Variants in ARK2C observed in about 807,000 individuals in gnomAD.
The protein encoded by ARK2C is arkadia (RNF111) C-terminal like ring finger ubiquitin ligase 2C, also known as E3 ubiquitin-protein ligase ARK2C.
At chr18:46,450,065 C>T in the ARK2C span, among the ~76,000 whole-genome samples, 1 of 152,188 alleles carries the variant, frequency 6.6e-6, no homozygotes, top group African/African-American at 2.4e-5. Flanking sequence ...AGAACAGTGC[C>T]TGCCATGAAG....
At chr18:46,376,036 T>C in the ARK2C span, among the ~76,000 whole-genome samples, 1 of 152,200 alleles carries the variant, frequency 6.6e-6, no homozygotes, top group African/African-American at 2.4e-5. Flanking sequence ...GCAGTGAGTG[T>C]GCACAGCTCA....
At chr18:46,425,822 G>A in the ARK2C span, among the ~76,000 whole-genome samples, 1 of 152,166 alleles carries the variant, frequency 6.6e-6, no homozygotes. Context: ...TGCTCTAACA[G>A]AAGGCCATAG....
the ARK2C span, among the ~76,000 whole-genome samples, chr18:46,340,552 G>A: frequency 3.9e-5 from 6 of 152,226 alleles, no homozygotes; most frequent in Non-Finnish European, 8.8e-5. Context: ...TGTCTAAGAT[G>A]TTCTGGGCCA....
the ARK2C span, among the ~76,000 whole-genome samples, chr18:46,432,657 A>C: frequency 6.6e-6 from 1 of 152,258 alleles, no homozygotes; most frequent in Non-Finnish European, 1.5e-5. Context: ...TTATGTATTC[A>C]TTAAAGATAC....
the ARK2C span, among the ~76,000 whole-genome samples, chr18:46,362,863 T>G: frequency 6.6e-6 from 1 of 152,224 alleles, no homozygotes. Context: ...CACTCAGTCC[T>G]TCCACTTTCA....
the ARK2C span, among the ~76,000 whole-genome samples, chr18:46,410,763 C>G: frequency 1.3e-5 from 2 of 152,234 alleles, no homozygotes; most frequent in Admixed American, 6.5e-5. Flanking sequence ...TCCTCTTGTT[C>G]TCATTGGTTT....
At chr18:46,446,933 G>T in the ARK2C span, among the ~76,000 whole-genome samples, 2 of 152,014 alleles carry the variant, frequency 1.3e-5, no homozygotes, top group Admixed American at 6.6e-5. Flanking sequence ...TAGTTCTCTT[G>T]TTTCTAGTTA....
the ARK2C span, among the ~76,000 whole-genome samples, chr18:46,417,462 G>A: frequency 7.2e-5 from 11 of 152,216 alleles, no homozygotes; most frequent in African/African-American, 1.2e-4. Context: ...GGGCCTTTGC[G>A]TGTGCAGTTC....
chr18:46,384,374 C>T, the ARK2C span, among the ~76,000 whole-genome samples: 4 of 152,302 alleles, frequency 2.6e-5, no homozygotes, highest in African/African-American at 7.2e-5. Flanking sequence ...ATTCTTGATA[C>T]TTCTTCCTTC....
At chr18:46,380,665 G>GGGAGCAC in the ARK2C span, among the ~76,000 whole-genome samples, 4 of 152,164 alleles carry the variant, frequency 2.6e-5, no homozygotes, top group African/African-American at 9.7e-5. Flanking sequence ...GCAGGGAGCA[G>GGGAGCAC]GGACTTCTGA....
the ARK2C span, among the ~76,000 whole-genome samples, chr18:46,365,486 T>C: frequency 1.3e-5 from 2 of 152,164 alleles, no homozygotes; most frequent in South Asian, 2.1e-4. Context: ...CTTTCTCATT[T>C]TGTGATCTTG....
chr18:46,417,984 A>T, the ARK2C span, among the ~76,000 whole-genome samples: 1 of 151,310 alleles, frequency 6.6e-6, no homozygotes, highest in Non-Finnish European at 1.5e-5. Flanking sequence ...AGCCTGAGCA[A>T]CAGAGCAAGA....
chr18:46,409,206 C>G, the ARK2C span, among the ~76,000 whole-genome samples: 1 of 152,202 alleles, frequency 6.6e-6, no homozygotes, highest in Non-Finnish European at 1.5e-5. Flanking sequence ...AAAGGATAGT[C>G]TGCAAGTTTA....
At chr18:46,403,391 C>CT in the ARK2C span, among the ~76,000 whole-genome samples, 2 of 152,122 alleles carry the variant, frequency 1.3e-5, no homozygotes, top group Non-Finnish European at 2.9e-5. Flanking sequence ...CCCTCCCTGC[C>CT]CCCCGTCTCC....
At chr18:46,416,611 C>A in the ARK2C span, among the ~76,000 whole-genome samples, 3,989 of 152,312 alleles carry the variant, frequency 0.026, 129 homozygotes, top group African/African-American at 0.082. Flanking sequence ...AAACAACAAC[C>A]TTTTATGCAG....
the ARK2C span, among the ~76,000 whole-genome samples, chr18:46,453,486 A>G: frequency 6.6e-6 from 1 of 152,186 alleles, no homozygotes; most frequent in Non-Finnish European, 1.5e-5. Flanking sequence ...TCAAGTAGAT[A>G]AAGGGCTCGG....
At chr18:46,454,110 CAAAAA>C in the ARK2C span, among the ~76,000 whole-genome samples, 10 of 16,632 alleles carry the variant, frequency 6.0e-4, no homozygotes, top group Admixed American at 5.2e-3. Context: ...AAGGCCGTCT[CAAAAA>C]AAAAAAAAAA....
At chr18:46,334,309 C>T in the ARK2C span, 1 of 1,584,754 alleles carries the variant, frequency 6.3e-7, no homozygotes, top group Non-Finnish European at 8.6e-7. This position sits in a 1 kb window ranked among gnomAD's most constrained non-coding sequence, Gnocchi z 4.4. Context: ...CTCGTGCTTC[C>T]AGTGTTTGGC....
chr18:46,389,646 G>C, the ARK2C span, among the ~76,000 whole-genome samples: 1 of 152,122 alleles, frequency 6.6e-6, no homozygotes, highest in African/African-American at 2.4e-5. Flanking sequence ...TCAGGGACTT[G>C]GGCCCACCCG....
Sources: gnomAD v4.1 joint callset for allele counts (sites outside exome capture counted in the v4.1 genomes callset) on GRCh38, gnomAD v4.1.1 for gene constraint, Gnocchi (gnomAD v3.1) non-coding constraint, MANE v1.5 for transcripts, NCBI Gene and HGNC (gene_info 2026-07-23, HGNC 2026-07-21) for gene names.